Variants in ADGRB1 observed in about 807,000 individuals in gnomAD.
ADGRB1 encodes the protein brain-specific angiogenesis inhibitor 1.
Under a neutral mutation model 175.7 loss-of-function variants are expected in ADGRB1, and 36 were observed. The observed-to-expected ratio is 0.20, with a 90% confidence interval of 0.16 to 0.27. The LOEUF (loss-of-function observed/expected upper bound fraction) is 0.27. Among genes scored for constraint, ADGRB1 ranks in the 10% least tolerant of loss-of-function variants. The probability of loss-of-function intolerance (pLI) is 1.00; values close to 1 mark genes in which losing one functional copy is unlikely to be tolerated. For missense variants in ADGRB1, 1,731 were observed against 2,255.3 expected (o/e 0.77, Z 4.71); for synonymous variants, 1,054 against 979.4 (o/e 1.08, Z -1.42).
rs768786120 is a variant in ADGRB1 at position 142,526,668 on chromosome 8, C to A, written c.3398+41C>A. The A allele has an allele frequency of 3.8e-6, 6 of 1,570,392 alleles. No homozygotes were observed. In the Admixed American group the frequency reaches 1.1e-4, roughly 28 times the overall value. On this transcript the variant is annotated intron_variant, in intron 24 of 30. Transcript: ENST00000517894. ...CGCGGCTCCTTGCCCACCCGGAGTGCAAGACCCAGAGCCCACCCAGCCCCG... is the reference window on the plus strand; with the variant it reads ...CGCGGCTCCTTGCCCACCCGGAGTGAAAGACCCAGAGCCCACCCAGCCCCG...
At chr8:142,533,205 C>G (rs1844725486) in intron 24 of ADGRB1, 90 bp from the exon 25 acceptor site, 1 of 1,338,876 alleles carries the variant, frequency 7.5e-7, no homozygotes, top group Non-Finnish European at 9.9e-7. Flanking sequence ...AGGGCTGGGT[C>G]CCCACCGAGG....
intron 18 of ADGRB1, among the ~76,000 whole-genome samples, chr8:142,514,615 T>C (rs1391262454): frequency 1.3e-5 from 2 of 152,154 alleles, no homozygotes; most frequent in African/African-American, 4.8e-5. Context: ...GGGTCACAGT[T>C]CATTTGCAAC....
rs1237730941 is a variant in ADGRB1, at chr8:142,504,447, A to G, written c.2676-6485A>G. On this transcript the variant is annotated intron_variant, in intron 17 of 30. Transcript: ENST00000517894. This position sits in a 1 kb window ranked among gnomAD's most constrained non-coding sequence, Gnocchi z 5.6. ...CAGGCCCACCAGAGGCAGGGCCACC[A>G]GGGCCAAGGGAGGCCCCTCTGGGAT... Among the ~76,000 whole-genome samples the G allele has an allele frequency of 6.6e-6, 1 of 152,130 alleles. No individual in the cohort carries two copies. The highest frequency in any genetic ancestry group is 6.5e-5 in the Admixed American group (1 of 15,288).
intron 1 of ADGRB1, among the ~76,000 whole-genome samples, chr8:142,463,462 C>T (rs531462021): frequency 6.6e-6 from 1 of 152,386 alleles, no homozygotes; most frequent in South Asian, 2.1e-4. Context: ...AACCTTTCTC[C>T]TGTGCTCCGG....
chr8:142,483,837 C>T (rs1361364654), intron 11 of ADGRB1, 140 bp from the exon 12 acceptor site: 1 of 872,750 alleles, frequency 1.1e-6, no homozygotes, highest in Non-Finnish European at 1.8e-6. Context: ...AGCTCTGACC[C>T]TGGTCACACA....
At chr8:142,451,342 AC>A (rs1210875243) in intron 1 of ADGRB1, among the ~76,000 whole-genome samples, 1 of 151,430 alleles carries the variant, frequency 6.6e-6, no homozygotes, top group African/African-American at 2.4e-5. Flanking sequence ...ACCCCTTTCC[AC>A]TTTTATTTTG....
At position 142,510,872 on chromosome 8, in the gene ADGRB1, C is replaced by T. The variant is rs1393806281; in HGVS notation, c.2676-60C>T. ...GCCGCCGCTCGGGGGCCGGGGCGCCCGCGTCCCCGCCGCCGCTGACGCTCC... is the reference window on the plus strand; with the variant it reads ...GCCGCCGCTCGGGGGCCGGGGCGCCTGCGTCCCCGCCGCCGCTGACGCTCC... On this transcript the variant is annotated intron_variant, in intron 17 of 30. Transcript: ENST00000517894. This position sits in a 1 kb window ranked among gnomAD's most constrained non-coding sequence, Gnocchi z 6.3. 4.2e-6 allele frequency: 4 copies of T among 951,406 alleles called. No individual in the cohort carries two copies. Among genetic ancestry groups the T allele is most frequent in the Admixed American group, 6.1e-5 (1 of 16,494 alleles). The allele number at this position is 951,406 out of a possible 1,614,324, so 58.9% of individuals were successfully genotyped here.
Position 142,542,142 on chromosome 8 carries a change from C to T in ADGRB1, c.3908C>T (p.Pro1303Leu). 6.2e-7 allele frequency: 1 copy of T among 1,613,648 alleles called. No individual in the cohort carries two copies. The highest frequency in any genetic ancestry group is 1.1e-5 in the South Asian group (1 of 91,078). ...RYPGGPLPDF[P>L]NHSLTLKRDK... Reference sequence around the variant, plus strand: ...CCCGGCGGGCCCCTGCCCGACTTCCCCAACCACTCACTGACCCTCAAGAGG... The same window carrying T: ...CCCGGCGGGCCCCTGCCCGACTTCCTCAACCACTCACTGACCCTCAAGAGG... The change falls in exon 28 of 31, where the codon CCC becomes CTC. Residue 1303 changes from proline to leucine, a missense_variant. Coordinates refer to ENST00000517894, the MANE Select transcript of ADGRB1 (RefSeq NM_001702.3). This position sits in a 1 kb window ranked among gnomAD's most constrained non-coding sequence, Gnocchi z 6.3.
At chr8:142,535,004 C>T (rs1348138356) in intron 25 of ADGRB1, among the ~76,000 whole-genome samples, 1 of 152,218 alleles carries the variant, frequency 6.6e-6, no homozygotes, top group African/African-American at 2.4e-5. Context: ...TCCTGGCCCC[C>T]AGTGCCTGGC....
intron 20 of ADGRB1, among the ~76,000 whole-genome samples, 193 bp from the exon 21 acceptor site, chr8:142,521,772 G>C (rs1174443231): frequency 1.3e-5 from 2 of 152,222 alleles, no homozygotes; most frequent in African/African-American, 4.8e-5. Context: ...GTCCCAACGG[G>C]GCTTAGATGG....
intron 2 of ADGRB1, among the ~76,000 whole-genome samples, chr8:142,465,595 C>G (rs1170314662): frequency 6.6e-6 from 1 of 152,192 alleles, no homozygotes; most frequent in African/African-American, 2.4e-5. Context: ...GCAGTGAAAA[C>G]CCTCCAGAGC....
chr8:142,500,651 C>A (rs958968738), intron 17 of ADGRB1, among the ~76,000 whole-genome samples: 2 of 151,986 alleles, frequency 1.3e-5, no homozygotes, highest in African/African-American at 4.8e-5. Flanking sequence ...CTCAGTGTTA[C>A]CCTGAGGTCA....
At chr8:142,459,292 G>T (rs937848493) in intron 1 of ADGRB1, among the ~76,000 whole-genome samples, 3 of 152,218 alleles carry the variant, frequency 2.0e-5, no homozygotes, top group Non-Finnish European at 4.4e-5. Flanking sequence ...AACCCCCGGG[G>T]CTCCCAGGGG....
chr8:142,532,147 G>A (rs926775678), intron 24 of ADGRB1, among the ~76,000 whole-genome samples: 1 of 151,960 alleles, frequency 6.6e-6, no homozygotes, highest in Non-Finnish European at 1.5e-5. Context: ...TGTGTAGGAG[G>A]AGGGGAGGAG....
chr8:142,500,019 G>A (rs1842412946), intron 17 of ADGRB1, among the ~76,000 whole-genome samples: 1 of 152,050 alleles, frequency 6.6e-6, no homozygotes. Flanking sequence ...CTGGAGCCCT[G>A]CCTGTAGGGC....
In ADGRB1 at chr8:142,510,746, T is replaced by C. The variant is rs1425843085; in HGVS notation, c.2676-186T>C. On this transcript the variant is annotated intron_variant, in intron 17 of 30. Transcript: ENST00000517894. The surrounding 1 kb of genome is among the most constrained non-coding windows in gnomAD (Gnocchi z 6.3). Reference sequence around the variant, plus strand: ...GCGGCGGCGGGCGCAGAGCGCGGCATGGGCGCCCGGGCCGCGGGGCCTGGC... The same window carrying C: ...GCGGCGGCGGGCGCAGAGCGCGGCACGGGCGCCCGGGCCGCGGGGCCTGGC... Among the ~76,000 whole-genome samples the C allele has an allele frequency of 7.1e-6, 1 of 140,410 alleles. No individual in the cohort carries two copies. Among genetic ancestry groups the C allele is most frequent in the Non-Finnish European group, 1.6e-5 (1 of 64,072 alleles). 92.1% of individuals were successfully genotyped at this position (140,410 alleles called of 152,430 possible). A position where few individuals can be genotyped will look rare whatever the true frequency, so the allele number is the denominator to read the frequency against.
At chr8:142,497,992 A>G (rs75030265) in intron 17 of ADGRB1, among the ~76,000 whole-genome samples, 3,022 of 152,208 alleles carry the variant, frequency 0.02, 63 homozygotes, top group African/African-American at 0.05. Flanking sequence ...TGCATCTGGG[A>G]ATGGACCCAG....
Position 142,533,663 on chromosome 8 carries a change from C to T in ADGRB1, c.3570+197C>T, listed in dbSNP as rs1011920264. 3.9e-5 allele frequency among the ~76,000 whole-genome samples: 6 copies of T among 152,188 alleles called. No individual in the cohort carries two copies. The South Asian group carries it at 6.2e-4, about 16-fold the overall frequency. ...GTGTCCACCCCACTCTCCCTGGGAG[C>T]GGCCCAGGCAGTGCAGCACCTTCCC... On this transcript the variant is annotated intron_variant, in intron 25 of 30. Coordinates refer to ENST00000517894, the MANE Select transcript of ADGRB1 (RefSeq NM_001702.3).
In ADGRB1 at chr8:142,469,662, CGT is replaced by C. The variant is rs562066899; in HGVS notation, c.784+4688_784+4689del. On this transcript the variant is annotated intron_variant, in intron 2 of 30. Transcript: ENST00000517894. ...GTGCACGTGCGTGTGAACGCAAGTGCGTGTGTGTGCACGTGAATGTGTGTGAA... is the reference window on the plus strand; with the variant it reads ...GTGCACGTGCGTGTGAACGCAAGTGCGTGTGTGCACGTGAATGTGTGTGAA... Among the ~76,000 whole-genome samples the C allele has an allele frequency of 3.0e-4, 39 of 131,884 alleles. No individual in the cohort carries two copies. The East Asian group carries it at 3.7e-3, about 12-fold the overall frequency. The allele number at this position is 131,884 out of a possible 152,430, so 86.5% of individuals were successfully genotyped here. A position where few individuals can be genotyped will look rare whatever the true frequency, so the allele number is the denominator to read the frequency against.
Sources: gnomAD v4.1 joint callset for allele counts (sites outside exome capture counted in the v4.1 genomes callset) on GRCh38, gnomAD v4.1.1 for gene constraint, Gnocchi (gnomAD v3.1) non-coding constraint, MANE v1.5 for transcripts, NCBI Gene and HGNC (gene_info 2026-07-23, HGNC 2026-07-21) for gene names.